The following CDK13 variants were observed in gnomAD, a reference collection of about 807,000 sequenced individuals.
The protein encoded by CDK13 is cyclin-dependent kinase 13.
In CDK13, 40 loss-of-function variants were observed where a neutral mutation model predicts 137.6. That is an observed-to-expected ratio of 0.29 (90% CI 0.23 to 0.38). The LOEUF is 0.38. CDK13 is among the 10% of genes least tolerant of loss of function. The probability of loss-of-function intolerance (pLI) is 1.00; values close to 1 mark genes in which losing one functional copy is unlikely to be tolerated. For synonymous variants in CDK13, 869 were observed against 760.1 expected (o/e 1.14, Z -2.36); for missense variants, 1,704 against 1,951.8 (o/e 0.87, Z 2.39).
intron 9 of CDK13, among the ~76,000 whole-genome samples, chr7:40,074,349 T>C (rs1435546971): frequency 2.0e-5 from 3 of 151,882 alleles, no homozygotes; most frequent in Non-Finnish European, 4.4e-5. Context: ...AGTGAAACCC[T>C]GTCTCTACTA....
intron 1 of CDK13, among the ~76,000 whole-genome samples, chr7:39,970,772 G>A (rs1387743693): frequency 6.6e-6 from 1 of 152,020 alleles, no homozygotes; most frequent in African/African-American, 2.4e-5. Context: ...GTTGTCATCT[G>A]TTTTATGTCT....
Position 40,063,084 on chromosome 7 carries a change from C to A in CDK13, c.2764C>A (p.Gln922Lys). The change falls in exon 9 of 14, where the codon CAA becomes AAA. Residue 922 changes from glutamine to lysine, a missense_variant. Coordinates refer to ENST00000181839, the MANE Select transcript of CDK13 (RefSeq NM_003718.5). ...ATTTCAAGCAAATCAGGAACTTGCACAACTAGAATTAATAAGGTAAGCTGC... is the reference window on the plus strand; with the variant it reads ...ATTTCAAGCAAATCAGGAACTTGCAAAACTAGAATTAATAAGGTAAGCTGC... ...PIFQANQELA[Q>K]LELISRICGS... The A allele has an allele frequency of 6.2e-7, 1 of 1,610,966 alleles. No individual in the cohort carries two copies. Among genetic ancestry groups the A allele is most frequent in the Non-Finnish European group, 8.5e-7 (1 of 1,177,218 alleles).
At chr7:40,013,571 T>C (rs1005822538) in intron 5 of CDK13, among the ~76,000 whole-genome samples, 1 of 152,172 alleles carries the variant, frequency 6.6e-6, no homozygotes, top group African/African-American at 2.4e-5. Context: ...CCAAATATTA[T>C]CAGAATATAG....
intron 5 of CDK13, 58 bp from the exon 6 acceptor site, chr7:40,045,778 A>G (rs1785723428): frequency 1.7e-6 from 2 of 1,169,620 alleles, no homozygotes; most frequent in East Asian, 4.8e-5. Context: ...AAAAATTGTG[A>G]ATTTATGGAA....
At chr7:40,000,225 A>G (rs1784654481) in intron 4 of CDK13, among the ~76,000 whole-genome samples, 1 of 152,114 alleles carries the variant, frequency 6.6e-6, no homozygotes, top group African/African-American at 2.4e-5. Flanking sequence ...AAGACACAAA[A>G]GTTAGCCGGG....
At chr7:40,026,044 T>C (rs1785235711) in intron 5 of CDK13, among the ~76,000 whole-genome samples, 1 of 152,230 alleles carries the variant, frequency 6.6e-6, no homozygotes, top group Admixed American at 6.5e-5. Flanking sequence ...CCTTTTGCTC[T>C]GATTCTTTCT....
At chr7:39,982,976 C>T in intron 1 of CDK13, among the ~76,000 whole-genome samples, 1 of 152,142 alleles carries the variant, frequency 6.6e-6, no homozygotes, top group East Asian at 1.9e-4. Flanking sequence ...TGCCTGTTCA[C>T]TCTGATGGTT....
At chr7:40,074,292 G>A (rs113217219) in intron 9 of CDK13, among the ~76,000 whole-genome samples, 15 of 152,320 alleles carry the variant, frequency 9.8e-5, no homozygotes, top group African/African-American at 3.1e-4. Context: ...GGAGGCCGAG[G>A]TGGGCGGATC....
intron 9 of CDK13, among the ~76,000 whole-genome samples, chr7:40,065,439 G>A (rs999040387): frequency 2.6e-5 from 4 of 151,532 alleles, no homozygotes; most frequent in Non-Finnish European, 5.9e-5. Flanking sequence ...ATAAAATACA[G>A]TAACACTAAT....
rs114597201 is a variant in CDK13, at chr7:40,086,721, T to C, written c.3030-1405T>C. 2.8e-3 allele frequency among the ~76,000 whole-genome samples: 430 copies of C among 152,252 alleles called. 2 individuals carry two copies. The highest frequency in any genetic ancestry group is 9.8e-3 in the African/African-American group (409 of 41,530). ...AAACTCGTCTGTAGCATCAGTTTAA[T>C]TCTAGAGCATTTGGATAGACAAGCA... On this transcript the variant is annotated intron_variant, in intron 11 of 13. Coordinates refer to ENST00000181839, the MANE Select transcript of CDK13 (RefSeq NM_003718.5).
rs66520870 is a variant in CDK13 at position 39,991,484 on chromosome 7, AGTGTGTGTGT to A, written c.1871+3257_1871+3266del. The stretch of plus-strand genomic sequence containing the variant: ...TTGTATCCACAAATACATTAGCAAA[AGTGTGTGTGT>A]GTGTGTGTGTGTGTGTGTGTGTGTG... On this transcript the variant is annotated intron_variant, in intron 2 of 13. Coordinates refer to ENST00000181839, the MANE Select transcript of CDK13 (RefSeq NM_003718.5). Among the ~76,000 whole-genome samples the A allele has an allele frequency of 7.0e-4, 100 of 143,772 alleles. 1 individual carries two copies. The South Asian group carries it at 0.013, about 19-fold the overall frequency. The allele number at this position is 143,772 out of a possible 152,430, so 94.3% of individuals were successfully genotyped here.
At chr7:39,957,549 A>G (rs1433854311) in intron 1 of CDK13, among the ~76,000 whole-genome samples, 4 of 152,258 alleles carry the variant, frequency 2.6e-5, no homozygotes, top group Non-Finnish European at 5.9e-5. Context: ...TTTGGTTTAC[A>G]TACACTCTCA....
At chr7:39,955,097 A>G (rs571003566) in intron 1 of CDK13, among the ~76,000 whole-genome samples, 1 of 152,140 alleles carries the variant, frequency 6.6e-6, no homozygotes, top group Admixed American at 6.5e-5. Flanking sequence ...TATTTTCTTT[A>G]CTACTTGACT....
intron 1 of CDK13, chr7:39,986,263 A>C (rs1784336237): frequency 1.3e-5 from 2 of 152,206 alleles, no homozygotes; most frequent in African/African-American, 4.8e-5. Context: ...TCTTGTGAGT[A>C]TATTTTAAAA....
intron 11 of CDK13, among the ~76,000 whole-genome samples, chr7:40,083,103 CAAA>C (rs34744742): frequency 2.0e-4 from 20 of 100,372 alleles, no homozygotes; most frequent in East Asian, 3.4e-4. Context: ...ACTCTGTCTC[CAAA>C]AAAAAAAAAA....
At chr7:39,961,652 ATACTTT>A (rs1783731600) in intron 1 of CDK13, among the ~76,000 whole-genome samples, 2 of 145,000 alleles carry the variant, frequency 1.4e-5, no homozygotes, top group African/African-American at 5.1e-5. Flanking sequence ...TTTTTTAATT[ATACTTT>A]AAGTTTTAGG....
At chr7:39,963,209 T>G (rs559838498) in intron 1 of CDK13, among the ~76,000 whole-genome samples, 1 of 152,320 alleles carries the variant, frequency 6.6e-6, no homozygotes, top group East Asian at 1.9e-4. Context: ...ATAAATTACC[T>G]TGGGCAGTAT....
chr7:39,982,106 C>G (rs1233624276), intron 1 of CDK13, among the ~76,000 whole-genome samples: 1 of 150,266 alleles, frequency 6.7e-6, no homozygotes, highest in Non-Finnish European at 1.5e-5. Context: ...TGCTGGTGTG[C>G]TGTACCCATT....
At chr7:40,009,164 T>C (rs1186781596) in intron 5 of CDK13, among the ~76,000 whole-genome samples, 3 of 152,266 alleles carry the variant, frequency 2.0e-5, no homozygotes, top group African/African-American at 7.2e-5. Context: ...TAGTGTCTCT[T>C]TTCTCACATC....
Sources: gnomAD v4.1 joint callset for allele counts (sites outside exome capture counted in the v4.1 genomes callset) on GRCh38, gnomAD v4.1.1 for gene constraint, MANE v1.5 for transcripts, NCBI Gene and HGNC (gene_info 2026-07-23, HGNC 2026-07-21) for gene names.